The following CCNB1IP1 variants were observed in gnomAD, a reference collection of about 807,000 sequenced individuals.
The protein encoded by CCNB1IP1 is E3 ubiquitin-protein ligase CCNB1IP1.
Under a neutral mutation model 25.6 loss-of-function variants are expected in CCNB1IP1, and 14 were observed. The ratio of observed to expected loss-of-function variants is 0.55; its 90% confidence interval spans 0.36 to 0.85. The LOEUF (loss-of-function observed/expected upper bound fraction) is 0.85. Among genes scored for constraint, CCNB1IP1 ranks in the 40% least tolerant of loss-of-function variants. The pLI is 0.01. For missense variants in CCNB1IP1, 278 were observed against 342.4 expected (o/e 0.81, Z 1.48); for synonymous variants, 119 against 116.1 (o/e 1.02, Z -0.16).
intron 4 of CCNB1IP1, among the ~76,000 whole-genome samples, chr14:20,323,917 C>CAAA (rs59156707): frequency 1.5e-3 from 109 of 73,522 alleles, no homozygotes; most frequent in Middle Eastern, 0.019. Flanking sequence ...GACTCCGTCT[C>CAAA]AAAAAAAAAA....
rs768717865 is a variant in CCNB1IP1, at chr14:20,326,495, C to T, written c.-153+221G>A. 1.7e-5 allele frequency: 9 copies of T among 534,628 alleles called. No homozygotes were observed. In the East Asian group the frequency reaches 3.3e-4, roughly 19 times the overall value. 33.1% of individuals were successfully genotyped at this position (534,628 alleles called of 1,614,324 possible). A position where few individuals can be genotyped will look rare whatever the true frequency, so the allele number is the denominator to read the frequency against. On this transcript the variant is annotated intron_variant, in intron 3 of 6. Transcript: ENST00000358932. The stretch of plus-strand genomic sequence containing the variant: ...TTAATCAGGCTGATCAGCTGAAACA[C>T]GGACTTAACATGCATTTCATCATGG...
At position 20,313,805 on chromosome 14, in the gene CCNB1IP1, G is replaced by A; in HGVS notation, c.298-4C>T. ...GATAGAGACGTTCCTGATGTACCTG[G>A]TTCCAAAAGAAAAAAGATTTTTAAG... On this transcript the variant is annotated splice_polypyrimidine_tract_variant and splice_region_variant and intron_variant, in intron 5 of 6. Coordinates refer to ENST00000358932, the MANE Select transcript of CCNB1IP1 (RefSeq NM_021178.5). 1 of 1,536,846 alleles carries A rather than the reference G, an allele frequency of 6.5e-7. No individual in the cohort carries two copies.
chr14:20,311,661 A>G lies in CCNB1IP1; in HGVS notation c.723T>C (p.Gly241=), dbSNP rs766804281. 4 of 1,614,108 alleles carry G rather than the reference A, an allele frequency of 2.5e-6. No homozygotes were observed. The South Asian group carries it at 3.3e-5, about 13-fold the overall frequency. The change falls in exon 7 of 7, where the codon GGT becomes GGC. Residue 241 remains glycine (G), a synonymous_variant. Transcript: ENST00000358932. ...TGCTGGGTTCAGGTGCTGTGGGAGA[A>G]CCCGCAAAAAATGGTCTGAACTGAA... ...GDFQFRPFFA[G]SPTAPEPSNS... is the part of the protein sequence containing the mutation.
At chr14:20,321,159 T>C (rs1031968548) in intron 4 of CCNB1IP1, among the ~76,000 whole-genome samples, 1 of 151,824 alleles carries the variant, frequency 6.6e-6, no homozygotes, top group Non-Finnish European at 1.5e-5. Flanking sequence ...AGAAATACTT[T>C]CCATGAGAAT....
chr14:20,329,613 G>A (rs1032771996), intron 1 of CCNB1IP1, among the ~76,000 whole-genome samples: 3 of 152,230 alleles, frequency 2.0e-5, no homozygotes, highest in East Asian at 1.9e-4. Flanking sequence ...GGTCAATTCC[G>A]TATCTTGGCT....
chr14:20,311,656 G>A lies in CCNB1IP1; in HGVS notation c.728C>T (p.Pro243Leu), dbSNP rs763522085. 4 of 1,613,872 alleles carry A rather than the reference G, an allele frequency of 2.5e-6. No individual in the cohort carries two copies. The highest frequency in any genetic ancestry group is 8.5e-7 in the Non-Finnish European group (1 of 1,179,986). ...FQFRPFFAGS[P>L]TAPEPSNSFF... The stretch of plus-strand genomic sequence containing the variant: ...GCTGTTGCTGGGTTCAGGTGCTGTG[G>A]GAGAACCCGCAAAAAATGGTCTGAA... The change falls in exon 7 of 7, where the codon CCC becomes CTC. Residue 243 changes from proline (P) to leucine (L), a missense_variant. Transcript: ENST00000358932.
chr14:20,320,064 C>T (rs1337642459), intron 4 of CCNB1IP1, among the ~76,000 whole-genome samples: 1 of 152,202 alleles, frequency 6.6e-6, no homozygotes, highest in Non-Finnish European at 1.5e-5. Flanking sequence ...TTTGCCTGTT[C>T]ATGTCCTTTG....
chr14:20,316,525 ATAGGATAG>A lies in CCNB1IP1; in HGVS notation c.-10_-3del. The A allele has an allele frequency of 6.2e-7, 1 of 1,601,908 alleles. No individual in the cohort carries two copies. The highest frequency in any genetic ancestry group is 8.5e-7 in the Non-Finnish European group (1 of 1,176,950). On this transcript the variant is annotated 5_prime_UTR_variant, in exon 5 of 7. Coordinates refer to ENST00000358932, the MANE Select transcript of CCNB1IP1 (RefSeq NM_021178.5). Reference sequence around the variant, plus strand: ...CAGCATGTCTTCACACAAAGACATAATAGGATAGTGAGGTCTCCAGAAGCTGAAGAGAG... The same window carrying A: ...CAGCATGTCTTCACACAAAGACATAATGAGGTCTCCAGAAGCTGAAGAGAG...
In CCNB1IP1 at chr14:20,313,544, G is replaced by T; in HGVS notation, c.555C>A (p.Asn185Lys). The change falls in exon 6 of 7, where the codon AAC (asparagine) becomes AAA (lysine). Residue 185 changes from asparagine to lysine, a missense_variant. Transcript: ENST00000358932. ...TGCCTTCATGGTTAGCAATAGTGATGTTTCGTAGCCTAAGGCTATCATAGA... is the reference window on the plus strand; with the variant it reads ...TGCCTTCATGGTTAGCAATAGTGATTTTTCGTAGCCTAAGGCTATCATAGA... ...QGLYDSLRLR[N>K]ITIANHEGTL... The T allele has an allele frequency of 1.2e-6, 2 of 1,614,162 alleles. No homozygotes were observed. Among genetic ancestry groups the T allele is most frequent in the Non-Finnish European group, 1.7e-6 (2 of 1,180,020 alleles).
At chr14:20,319,294 T>C (rs1327176270) in intron 4 of CCNB1IP1, among the ~76,000 whole-genome samples, 1 of 152,234 alleles carries the variant, frequency 6.6e-6, no homozygotes, top group African/African-American at 2.4e-5. Flanking sequence ...TCCTAAAATA[T>C]CTTCTGATAA....
At chr14:20,318,987 T>A (rs1223711133) in intron 4 of CCNB1IP1, 1 of 152,276 alleles carries the variant, frequency 6.6e-6, no homozygotes, top group Non-Finnish European at 1.5e-5. Flanking sequence ...GGTTTCAAAC[T>A]ATTGACCTCC....
intron 4 of CCNB1IP1, among the ~76,000 whole-genome samples, chr14:20,322,054 G>A (rs1882911770): frequency 6.6e-6 from 1 of 152,174 alleles, no homozygotes; most frequent in South Asian, 2.1e-4. Context: ...TAAATATCAA[G>A]TAAGATTGTA....
intron 6 of CCNB1IP1, among the ~76,000 whole-genome samples, chr14:20,312,619 T>G (rs1882536989): frequency 6.6e-6 from 1 of 152,038 alleles, no homozygotes; most frequent in South Asian, 2.1e-4. Flanking sequence ...CTTTTTTGTA[T>G]GCCAAAAACA....
At chr14:20,320,804 C>CAAA (rs11292210) in intron 4 of CCNB1IP1, among the ~76,000 whole-genome samples, 3 of 99,714 alleles carry the variant, frequency 3.0e-5, no homozygotes, top group African/African-American at 7.2e-5. Flanking sequence ...GACTCCGTCT[C>CAAA]AAAAAAAAAA....
chr14:20,316,162 G>T, intron 5 of CCNB1IP1, 65 bp downstream of exon 5: 1 of 1,371,962 alleles, frequency 7.3e-7, no homozygotes, highest in South Asian at 1.5e-5. Flanking sequence ...ATGAAGGAAA[G>T]ACACTAGAAG....
At chr14:20,319,737 G>A (rs765202323) in intron 4 of CCNB1IP1, among the ~76,000 whole-genome samples, 10 of 152,066 alleles carry the variant, frequency 6.6e-5, no homozygotes, top group Admixed American at 2.6e-4. Context: ...TTGAGTCCAC[G>A]TGCCAAAAAT....
chr14:20,327,911 CTTAA>C (rs894699457), intron 2 of CCNB1IP1, among the ~76,000 whole-genome samples: 6 of 152,180 alleles, frequency 3.9e-5, no homozygotes, highest in South Asian at 2.1e-4. Flanking sequence ...TAAGTAACCA[CTTAA>C]TTAGAGTTAA....
intron 4 of CCNB1IP1, among the ~76,000 whole-genome samples, chr14:20,325,065 G>A (rs532833875): frequency 1.1e-4 from 17 of 151,448 alleles, no homozygotes; most frequent in South Asian, 2.1e-4. Flanking sequence ...CACCCACCTC[G>A]GCCTCCCAAA....
In CCNB1IP1 at chr14:20,332,005, C is replaced by CATATATAT. The variant is rs1555314509; in HGVS notation, c.-431+1241_-431+1248dup. On this transcript the variant is annotated intron_variant, in intron 1 of 6. Transcript: ENST00000358932. Reference sequence around the variant, plus strand: ...AATATATATATATATGATGTGTATACATATATATATATATATATATATTTT... The same window carrying CATATATAT: ...AATATATATATATATGATGTGTATACATATATATATATATATATATATATATATATTTT... Among the ~76,000 whole-genome samples the CATATATAT allele has an allele frequency of 1.8e-3, 118 of 66,548 alleles. 4 individuals carry two copies. The highest frequency in any genetic ancestry group is 8.2e-3 in the African/African-American group (100 of 12,228). 43.7% of individuals were successfully genotyped at this position (66,548 alleles called of 152,430 possible).
Sources: gnomAD v4.1 joint callset for allele counts (sites outside exome capture counted in the v4.1 genomes callset) on GRCh38, gnomAD v4.1.1 for gene constraint, MANE v1.5 for transcripts, NCBI Gene and HGNC (gene_info 2026-07-23, HGNC 2026-07-21) for gene names.